Variants in TTC7B observed in about 807,000 individuals in gnomAD.
The protein encoded by TTC7B is tetratricopeptide repeat protein 7B.
Under a neutral mutation model 106.8 loss-of-function variants are expected in TTC7B, and 28 were observed. That is an observed-to-expected ratio of 0.26 (90% CI 0.19 to 0.36). The LOEUF is 0.36. Among genes scored for constraint, TTC7B ranks in the 10% least tolerant of loss-of-function variants. The probability of loss-of-function intolerance (pLI) is 1.00; values close to 1 mark genes in which losing one functional copy is unlikely to be tolerated. For synonymous variants in TTC7B, 405 were observed against 430.6 expected (o/e 0.94, Z 0.74); for missense variants, 862 against 1,076.4 (o/e 0.80, Z 2.79).
chr14:90,689,827 T>A, intron 6 of TTC7B, 115 bp from the exon 7 acceptor site: 1 of 1,214,672 alleles, frequency 8.2e-7, no homozygotes, highest in Non-Finnish European at 1.1e-6. Context: ...ACTGCAAGGC[T>A]CATAATTAAA....
chr14:90,793,589 G>A (rs1353398719), intron 1 of TTC7B, among the ~76,000 whole-genome samples: 1 of 144,294 alleles, frequency 6.9e-6, no homozygotes, highest in African/African-American at 2.5e-5. Context: ...TCTTTTGTTT[G>A]TTTGTTTGTT....
rs781528438 is a variant in TTC7B, at chr14:90,608,327, C to T, written c.1966+2415G>A. Among the ~76,000 whole-genome samples the T allele has an allele frequency of 2.6e-4, 39 of 152,240 alleles. No individual in the cohort carries two copies. The highest frequency in any genetic ancestry group is 1.0e-3 in the Admixed American group (16 of 15,292). ...AATGGCCTTCCATTTTTCTGATTCC[C>T]TGGTCTCTTGGTTAAATTGTCGGCG... On this transcript the variant is annotated intron_variant, in intron 17 of 19. Transcript: ENST00000328459. The surrounding 1 kb of genome is among the most constrained non-coding windows in gnomAD (Gnocchi z 5.1).
intron 5 of TTC7B, among the ~76,000 whole-genome samples, chr14:90,701,217 A>C (rs978128934): frequency 6.6e-6 from 1 of 152,164 alleles, no homozygotes; most frequent in Non-Finnish European, 1.5e-5. Flanking sequence ...GTCTCACCTC[A>C]AACCTTATGA....
At chr14:90,718,604 A>G (rs1194864787) in intron 5 of TTC7B, among the ~76,000 whole-genome samples, 1 of 152,168 alleles carries the variant, frequency 6.6e-6, no homozygotes, top group African/African-American at 2.4e-5. Context: ...CGTAAGTTCC[A>G]TGAAGCCGGT....
At chr14:90,761,875 G>C (rs1023205773) in intron 3 of TTC7B, among the ~76,000 whole-genome samples, 1 of 152,156 alleles carries the variant, frequency 6.6e-6, no homozygotes, top group African/African-American at 2.4e-5. Flanking sequence ...CCTTGGTTCA[G>C]CCCTTTGTAC....
rs1021890318 is a variant in TTC7B, at chr14:90,633,531, A to G, written c.1751+10517T>C. Among the ~76,000 whole-genome samples, 4 of 152,336 alleles carry G rather than the reference A, an allele frequency of 2.6e-5. No homozygotes were observed. The South Asian group carries it at 8.3e-4, about 32-fold the overall frequency. On this transcript the variant is annotated intron_variant, in intron 15 of 19. Transcript: ENST00000328459. Reference sequence around the variant, plus strand: ...CTAATATATATTCCAAAGACAAAAAACAACAAACTGTCAGTTCTTAACCTG... The same window carrying G: ...CTAATATATATTCCAAAGACAAAAAGCAACAAACTGTCAGTTCTTAACCTG...
chr14:90,612,088 C>T (rs1181773122), intron 16 of TTC7B, among the ~76,000 whole-genome samples: 1 of 152,196 alleles, frequency 6.6e-6, no homozygotes. Flanking sequence ...GCTGCAATTT[C>T]CACGTCCAGC....
At chr14:90,638,566 A>G (rs1354921211) in intron 15 of TTC7B, among the ~76,000 whole-genome samples, 1 of 152,240 alleles carries the variant, frequency 6.6e-6, no homozygotes, top group Non-Finnish European at 1.5e-5. Flanking sequence ...AAAAAATTAT[A>G]AAAACATCCA....
In TTC7B at chr14:90,802,753, G is replaced by A. The variant is rs994107644; in HGVS notation, c.121+13422C>T. Among the ~76,000 whole-genome samples the A allele has an allele frequency of 5.3e-5, 8 of 152,148 alleles. No individual in the cohort carries two copies. Among genetic ancestry groups the A allele is most frequent in the African/African-American group, 1.9e-4 (8 of 41,440 alleles). On this transcript the variant is annotated intron_variant, in intron 1 of 19. Coordinates refer to ENST00000328459, the MANE Select transcript of TTC7B (RefSeq NM_001010854.2). The surrounding 1 kb of genome is among the most constrained non-coding windows in gnomAD (Gnocchi z 4.7). ...ACTCCCCAGGGACGCTGCTGCGCAG[G>A]TGCAGGCGTGGAGAGGCAGAGAGCC...
rs142613850 is a variant in TTC7B, at chr14:90,543,302, C to G, written c.2311-1713G>C. Among the ~76,000 whole-genome samples the G allele has an allele frequency of 3.6e-3, 551 of 152,236 alleles. 5 individuals carry two copies. The highest frequency in any genetic ancestry group is 0.012 in the African/African-American group (517 of 41,534). On this transcript the variant is annotated intron_variant, in intron 19 of 19. Coordinates refer to ENST00000328459, the MANE Select transcript of TTC7B (RefSeq NM_001010854.2). ...TCAATTCCATTTATCTTAATTTTCCCTCTTTTAAGTAGTTGACTACTTTAT... is the reference window on the plus strand; with the variant it reads ...TCAATTCCATTTATCTTAATTTTCCGTCTTTTAAGTAGTTGACTACTTTAT...
At chr14:90,725,465 G>C (rs927907847) in intron 5 of TTC7B, among the ~76,000 whole-genome samples, 1 of 152,224 alleles carries the variant, frequency 6.6e-6, no homozygotes, top group Non-Finnish European at 1.5e-5. Flanking sequence ...ACTGAGCAGG[G>C]CTAAACAATT....
chr14:90,680,989 T>C (rs1887028572), intron 7 of TTC7B, among the ~76,000 whole-genome samples: 1 of 152,232 alleles, frequency 6.6e-6, no homozygotes, highest in Admixed American at 6.5e-5. Flanking sequence ...ATTTTAGAGT[T>C]TGAATAATTT....
At chr14:90,810,997 G>A (rs1437567646) in intron 1 of TTC7B, among the ~76,000 whole-genome samples, 1 of 152,204 alleles carries the variant, frequency 6.6e-6, no homozygotes, top group African/African-American at 2.4e-5. Flanking sequence ...ATGCTGGAAA[G>A]GTTGGCCAGA....
chr14:90,581,059 G>T (rs993846736), intron 18 of TTC7B, among the ~76,000 whole-genome samples: 1 of 152,144 alleles, frequency 6.6e-6, no homozygotes, highest in Non-Finnish European at 1.5e-5. Context: ...CCAAGAGAAG[G>T]CCCTGGAAGA....
chr14:90,646,736 C>T (rs1232608460), intron 14 of TTC7B: 2 of 552,720 alleles, frequency 3.6e-6, no homozygotes, highest in Admixed American at 6.2e-5. Context: ...ATTTAATGTC[C>T]AATAGCAGAG....
intron 5 of TTC7B, chr14:90,697,483 G>C (rs1695691181): frequency 6.6e-6 from 1 of 152,120 alleles, no homozygotes; most frequent in African/African-American, 2.4e-5. Flanking sequence ...CTAGAGGAAG[G>C]AACAAAATAT....
Position 90,541,492 on chromosome 14 carries a change from C to G in TTC7B, c.2408G>C (p.Gly803Ala). The change falls in exon 20 of 20, where the codon GGG (glycine) becomes GCG (alanine). Residue 803 changes from glycine (G) to alanine (A), a missense_variant. Transcript: ENST00000328459. ...CTGAGCTTGGAGGACCTCGCCCAGC[C>G]CGTTCCAGACCTCGTGGGCTGTCGA... ...VNSTAHEVWN[G>A]LGEVLQAQGN... 2 of 1,614,090 alleles carry G rather than the reference C, an allele frequency of 1.2e-6. No individual in the cohort carries two copies. The highest frequency in any genetic ancestry group is 1.6e-4 in the Middle Eastern group (1 of 6,062).
In TTC7B at chr14:90,695,030, TTTTTTATTTTATTATAAAATATA is replaced by T. The variant is rs1363563903; in HGVS notation, c.777+447_777+469del. Among the ~76,000 whole-genome samples, 78 of 50,492 alleles carry T rather than the reference TTTTTTATTTTATTATAAAATATA, an allele frequency of 1.5e-3. 2 individuals carry two copies. The highest frequency in any genetic ancestry group is 4.4e-3 in the South Asian group (7 of 1,590). The allele number at this position is 50,492 out of a possible 152,430, so 33.1% of individuals were successfully genotyped here. A position where few individuals can be genotyped will look rare whatever the true frequency, so the allele number is the denominator to read the frequency against. On this transcript the variant is annotated intron_variant, in intron 6 of 19. Transcript: ENST00000328459. Reference sequence around the variant, plus strand: ...TATATTTATTATAAATATATGTATATTTTTTATTTTATTATAAAATATATTTTATTTTATTATAAAATATATTT... The same window carrying T: ...TATATTTATTATAAATATATGTATATTTTTATTTTATTATAAAATATATTT...
At chr14:90,573,991 C>A (rs1443726054) in intron 19 of TTC7B, among the ~76,000 whole-genome samples, 1 of 152,220 alleles carries the variant, frequency 6.6e-6, no homozygotes, top group Non-Finnish European at 1.5e-5. Context: ...AAAGCCCAGG[C>A]TGACGTTATC....
Sources: gnomAD v4.1 joint callset for allele counts (sites outside exome capture counted in the v4.1 genomes callset) on GRCh38, gnomAD v4.1.1 for gene constraint, Gnocchi (gnomAD v3.1) non-coding constraint, MANE v1.5 for transcripts, NCBI Gene and HGNC (gene_info 2026-07-23, HGNC 2026-07-21) for gene names.